DCX: variants seen among roughly 807,000 people sequenced by gnomAD.
The protein encoded by DCX is doublecortin.
A neutral mutation model predicts 20.9 loss-of-function variants in DCX; 4 were observed. That is an observed-to-expected ratio of 0.19 (90% CI 0.09 to 0.44). The LOEUF (loss-of-function observed/expected upper bound fraction) is 0.44, where lower values mean the gene tolerates loss of function less well. DCX is among the 20% of genes least tolerant of loss of function. DCX has a pLI of 0.99. For synonymous variants in DCX, 103 were observed against 111.4 expected, an observed-to-expected ratio of 0.92 and a Z score of 0.47; for missense variants, 133 against 296.9, an observed-to-expected ratio of 0.45 and a Z score of 4.06.
intron 4 of DCX, among the ~76,000 whole-genome samples, chrX:111,331,982 C>A (rs1413943177): frequency 2.7e-5 from 3 of 112,691 alleles, no homozygotes; most frequent in African/African-American, 9.7e-5. Context: ...CTGTGATGCA[C>A]AAAGGGGAAT....
chrX:111,411,044 T>C lies in DCX; in HGVS notation c.-22-624A>G. On this transcript the variant is annotated intron_variant, in intron 1 of 6. Transcript: ENST00000636035. ...CCCCCAGAATAAACTAAGATTCTCC[T>C]TTAAAGGGACAGCCTCCAGGGAACA... 5.1e-6 allele frequency: 5 copies of C among 978,635 alleles called. No homozygotes were observed. The South Asian group carries it at 9.8e-5, about 19-fold the overall frequency. 80.7% of individuals were successfully genotyped at this position (978,635 alleles called of 1,213,427 possible).
chrX:111,341,618 C>T (rs1399754386), intron 3 of DCX, among the ~76,000 whole-genome samples: 1 of 111,144 alleles, frequency 9.0e-6, no homozygotes, highest in Non-Finnish European at 1.9e-5. Flanking sequence ...TTAAGGGCAG[C>T]CAGAGAGAAA....
chrX:111,372,082 C>A lies in DCX; in HGVS notation c.705+28908G>T, dbSNP rs138273780. Among the ~76,000 whole-genome samples the A allele has an allele frequency of 7.1e-3, 791 of 110,912 alleles. 2 individuals carry two copies. The highest frequency in any genetic ancestry group is 0.024 in the African/African-American group (724 of 30,479). ...TCTCAGCAGCCCAATGTTGCTGGTC[C>A]ACACCTTGGTACAAGCATCTGTATC... On this transcript the variant is annotated intron_variant, in intron 3 of 6. Transcript: ENST00000636035.
intron 5 of DCX, among the ~76,000 whole-genome samples, chrX:111,317,926 C>A (rs1385178313): frequency 9.0e-6 from 1 of 110,772 alleles, no homozygotes; most frequent in Non-Finnish European, 1.9e-5. Context: ...GTGGCTCATG[C>A]CTGTAATCCC....
intron 1 of DCX, chrX:111,410,684 G>A: frequency 9.6e-7 from 1 of 1,044,730 alleles, no homozygotes; most frequent in Admixed American, 2.2e-5. Flanking sequence ...AGAGAGGGAG[G>A]CACTCTTGGC....
At chrX:111,379,826 GTTTC>G (rs1206734618) in intron 3 of DCX, among the ~76,000 whole-genome samples, 2 of 111,119 alleles carry the variant, frequency 1.8e-5, no homozygotes, top group African/African-American at 3.3e-5. Context: ...AGTGCATGAG[GTTTC>G]TTTCTTTCTT....
chrX:111,371,104 T>C (rs1473114063), intron 3 of DCX, among the ~76,000 whole-genome samples: 1 of 112,421 alleles, frequency 8.9e-6, no homozygotes, highest in African/African-American at 3.2e-5. Flanking sequence ...TGTTCAATAT[T>C]TGTTTAACAC....
chrX:111,377,386 T>C (rs1432600546), intron 3 of DCX, among the ~76,000 whole-genome samples: 1 of 111,598 alleles, frequency 9.0e-6, no homozygotes, highest in Admixed American at 9.6e-5. Context: ...AACCAGGCCT[T>C]GCAGCTGCCA....
At chrX:111,353,119 AC>A (rs1327160437) in intron 3 of DCX, among the ~76,000 whole-genome samples, 1 of 111,921 alleles carries the variant, frequency 8.9e-6, no homozygotes, top group Non-Finnish European at 1.9e-5. Flanking sequence ...TGGAACAACA[AC>A]AAAAAGTATG....
Position 111,407,802 on chromosome X carries a change from G to GCGCA in DCX, c.364+2232_364+2233insTGCG, listed in dbSNP as rs746196711. ...CCAGCCCCTCGTGATACATCAATAC[G>GCGCA]CACACACACACACACACACACACAC... is the stretch of plus-strand genomic sequence containing the variant. On this transcript the variant is annotated intron_variant, in intron 2 of 6. Coordinates refer to ENST00000636035, the MANE Select transcript of DCX (RefSeq NM_001195553.2). 5.2e-3 allele frequency among the ~76,000 whole-genome samples: 470 copies of GCGCA among 90,275 alleles called. 3 individuals are homozygous for GCGCA. Among genetic ancestry groups the GCGCA allele is most frequent in the Middle Eastern group, 0.011 (2 of 178 alleles). 78.4% of individuals were successfully genotyped at this position (90,275 alleles called of 115,157 possible).
chrX:111,335,286 G>A (rs747906852), intron 3 of DCX, among the ~76,000 whole-genome samples: 9 of 111,696 alleles, frequency 8.1e-5, no homozygotes, highest in Admixed American at 1.9e-4. Context: ...TCTCCCCACC[G>A]GATCACAGGT....
intron 3 of DCX, among the ~76,000 whole-genome samples, chrX:111,400,589 G>T (rs1298756898): frequency 8.9e-6 from 1 of 112,576 alleles, no homozygotes; most frequent in Non-Finnish European, 1.9e-5. Context: ...TAGATGCTGA[G>T]CATCAATGTG....
intron 3 of DCX, among the ~76,000 whole-genome samples, chrX:111,368,945 TTAAG>T (rs1390075192): frequency 2.0e-5 from 2 of 100,542 alleles, no homozygotes; most frequent in African/African-American, 9.0e-5. Flanking sequence ...GGGGAGTTTA[TTAAG>T]TATTAACTCA....
chrX:111,304,035 A>G, intron 6 of DCX, among the ~76,000 whole-genome samples: 1 of 112,033 alleles, frequency 8.9e-6, no homozygotes, highest in South Asian at 3.7e-4. Flanking sequence ...CCTGTTCTAA[A>G]CTACCAAACA....
intron 3 of DCX, among the ~76,000 whole-genome samples, chrX:111,377,149 G>C (rs1925600608): frequency 9.0e-6 from 1 of 111,344 alleles, no homozygotes; most frequent in Non-Finnish European, 1.9e-5. Context: ...GGGCTCTATT[G>C]AGCCAGCGTA....
chrX:111,304,088 C>T lies in DCX; in HGVS notation c.1045-2345G>A, dbSNP rs185748846. ...TGATAAACAGGTAGGATGTACAATGCCAAGGAAATACTAGAAATGCAACAA... is the reference window on the plus strand; with the variant it reads ...TGATAAACAGGTAGGATGTACAATGTCAAGGAAATACTAGAAATGCAACAA... On this transcript the variant is annotated intron_variant, in intron 6 of 6. Transcript: ENST00000636035. Among the ~76,000 whole-genome samples the T allele has an allele frequency of 4.4e-3, 492 of 111,735 alleles. 1 individual carries two copies. Among genetic ancestry groups the T allele is most frequent in the Middle Eastern group, 4.7e-3 (1 of 215 alleles).
intron 3 of DCX, among the ~76,000 whole-genome samples, chrX:111,388,527 G>A (rs1302863331): frequency 8.9e-6 from 1 of 112,136 alleles, no homozygotes; most frequent in East Asian, 2.8e-4. Context: ...TTATATTTAA[G>A]GTTTGGTGTT....
chrX:111,400,787 C>A (rs1927712255), intron 3 of DCX, among the ~76,000 whole-genome samples: 1 of 111,979 alleles, frequency 8.9e-6, no homozygotes, highest in Non-Finnish European at 1.9e-5. Flanking sequence ...AAATCAGAAG[C>A]AGATTGAATT....
intron 3 of DCX, among the ~76,000 whole-genome samples, chrX:111,348,593 C>G (rs1454949105): frequency 9.0e-6 from 1 of 110,524 alleles, no homozygotes; most frequent in Non-Finnish European, 1.9e-5. Context: ...CAAATTGGCT[C>G]AGAGAAACAG....
Sources: allele counts gnomAD v4.1 joint callset (sites outside exome capture counted in the v4.1 genomes callset), GRCh38; gene constraint gnomAD v4.1.1; transcripts MANE v1.5; gene names NCBI Gene and HGNC (gene_info 2026-07-23, HGNC 2026-07-21).